CORIN: variants seen among roughly 807,000 people sequenced by gnomAD.
CORIN encodes the protein corin, serine peptidase, also known as atrial natriuretic peptide-converting enzyme.
A neutral mutation model predicts 125.3 loss-of-function variants in CORIN; 117 were observed. The ratio of observed to expected loss-of-function variants is 0.93; its 90% CI spans 0.80 to 1.09. The LOEUF is 1.09. CORIN is among the 50% of genes least tolerant of loss of function. The probability of loss-of-function intolerance (pLI) is 0.00; values close to 1 mark genes in which losing one functional copy is unlikely to be tolerated. For missense variants in CORIN, 1,253 were observed against 1,306.7 expected (o/e 0.96, Z 0.63); for synonymous variants, 450 against 466.4 (o/e 0.96, Z 0.45).
At chr4:47,714,518 G>A (rs1029725324) in intron 5 of CORIN, among the ~76,000 whole-genome samples, 1 of 152,146 alleles carries the variant, frequency 6.6e-6, no homozygotes, top group South Asian at 2.1e-4. Context: ...AGGTAGAACT[G>A]GAACTACGAT....
intron 1 of CORIN, among the ~76,000 whole-genome samples, chr4:47,816,036 C>T (rs61758470): frequency 3.0e-4 from 45 of 152,136 alleles, no homozygotes; most frequent in Middle Eastern, 6.8e-3. Context: ...AAGTGAGTAG[C>T]GAATTAAAAG....
At chr4:47,724,376 G>T (rs898006244) in intron 5 of CORIN, among the ~76,000 whole-genome samples, 1 of 151,988 alleles carries the variant, frequency 6.6e-6, no homozygotes, top group Non-Finnish European at 1.5e-5. Flanking sequence ...ATAACTTCAG[G>T]TACCTGCTGT....
intron 5 of CORIN, among the ~76,000 whole-genome samples, chr4:47,740,452 G>T (rs368377312): frequency 6.6e-6 from 1 of 151,682 alleles, no homozygotes; most frequent in Non-Finnish European, 1.5e-5. Flanking sequence ...TTTTCCTGAC[G>T]AATTGACCCT....
chr4:47,825,157 T>G (rs1732686506), intron 1 of CORIN, among the ~76,000 whole-genome samples: 1 of 152,178 alleles, frequency 6.6e-6, no homozygotes, highest in Non-Finnish European at 1.5e-5. Context: ...CAAGAGAGGC[T>G]GTGTGCGGAC....
intron 14 of CORIN, among the ~76,000 whole-genome samples, chr4:47,643,488 A>G (rs554061236): frequency 1.2e-4 from 18 of 152,332 alleles, no homozygotes; most frequent in Admixed American, 7.2e-4. Context: ...AAGTGACTCA[A>G]TGTTCTGGTT....
chr4:47,816,665 A>G (rs376818832), intron 1 of CORIN, among the ~76,000 whole-genome samples: 5 of 152,190 alleles, frequency 3.3e-5, no homozygotes, highest in African/African-American at 1.2e-4. Flanking sequence ...GTTTATTCCA[A>G]TGAGCCTCAA....
intron 5 of CORIN, among the ~76,000 whole-genome samples, chr4:47,728,903 A>G (rs547293191): frequency 1.3e-5 from 2 of 152,346 alleles, no homozygotes; most frequent in African/African-American, 4.8e-5. Flanking sequence ...AGAAGAATGA[A>G]TGCAGATGAG....
intron 2 of CORIN, among the ~76,000 whole-genome samples, chr4:47,791,436 T>A (rs1731074108): frequency 6.6e-6 from 1 of 152,228 alleles, no homozygotes; most frequent in African/African-American, 2.4e-5. Context: ...GTACTATCTT[T>A]TTAAGCTACC....
chr4:47,837,977 T>C lies in CORIN; in HGVS notation c.-28A>G. On this transcript the variant is annotated 5_prime_UTR_variant, in exon 1 of 22. Coordinates refer to ENST00000273857, the MANE Select transcript of CORIN (RefSeq NM_006587.4). ...ATAAAAAGTCTCGCTTATTCTTCTG[T>C]CCACTTTTATCTTGGTCGCTTTTCT... 6.2e-7 allele frequency: 1 copy of C among 1,608,980 alleles called. No individual in the cohort carries two copies. Among genetic ancestry groups the C allele is most frequent in the Non-Finnish European group, 8.5e-7 (1 of 1,179,958 alleles).
chr4:47,700,872 C>G (rs1358910006), intron 5 of CORIN, among the ~76,000 whole-genome samples: 1 of 152,246 alleles, frequency 6.6e-6, no homozygotes, highest in Non-Finnish European at 1.5e-5. Flanking sequence ...CCAACACAAT[C>G]TCTGCTCAGT....
chr4:47,741,342 A>T (rs1038262389), intron 5 of CORIN, among the ~76,000 whole-genome samples: 5 of 152,068 alleles, frequency 3.3e-5, no homozygotes, highest in African/African-American at 1.2e-4. Flanking sequence ...CATGTTGCTC[A>T]ACATAATTAG....
At chr4:47,615,523 A>G (rs1722038284) in intron 19 of CORIN, among the ~76,000 whole-genome samples, 1 of 152,226 alleles carries the variant, frequency 6.6e-6, no homozygotes, top group South Asian at 2.1e-4. Flanking sequence ...TCAAGTTAAA[A>G]TAACCTCATC....
At chr4:47,816,709 C>G (rs1732284334) in intron 1 of CORIN, among the ~76,000 whole-genome samples, 1 of 152,012 alleles carries the variant, frequency 6.6e-6, no homozygotes, top group Non-Finnish European at 1.5e-5. Flanking sequence ...AGGAGGGGGG[C>G]CAAAGAGAAG....
chr4:47,723,995 C>CA (rs766930754), intron 5 of CORIN, among the ~76,000 whole-genome samples: 6,451 of 58,328 alleles, frequency 0.11, 503 homozygotes, highest in African/African-American at 0.25. Flanking sequence ...GACTCCATCT[C>CA]AAAAAAAAAA....
At chr4:47,817,760 G>A (rs967039679) in intron 1 of CORIN, among the ~76,000 whole-genome samples, 3 of 152,162 alleles carry the variant, frequency 2.0e-5, no homozygotes, top group East Asian at 1.9e-4. Flanking sequence ...AAACAGAGAA[G>A]GGGAGATCTC....
At chr4:47,642,726 G>A (rs1723285137) in intron 15 of CORIN, 1 of 770,576 alleles carries the variant, frequency 1.3e-6, no homozygotes, top group Admixed American at 3.2e-5. Context: ...TCTGTGTAAG[G>A]AGCTAGACAG....
rs1725834682 is a variant in CORIN at position 47,692,971 on chromosome 4, G to A, written c.912C>T (p.Cys304=). ...AACCCTAAACAGCTTGTCACATACT[G>A]CAATGAGCCTCGTCACTCCAGTCGT... is the stretch of plus-strand genomic sequence containing the variant. ...DCDDWSDEAH[C]NCSENLFHCH... The change falls in exon 6 of 22, where the codon TGC becomes TGT. Residue 304 remains cysteine (C), a splice_region_variant and synonymous_variant. Transcript: ENST00000273857. 3 of 1,609,224 alleles carry A rather than the reference G, an allele frequency of 1.9e-6. No individual in the cohort carries two copies. Among genetic ancestry groups the A allele is most frequent in the African/African-American group, 1.3e-5 (1 of 74,742 alleles).
At chr4:47,698,905 A>G (rs1408072478) in intron 5 of CORIN, among the ~76,000 whole-genome samples, 2 of 152,200 alleles carry the variant, frequency 1.3e-5, no homozygotes, top group African/African-American at 4.8e-5. Context: ...TGCCTAGAGT[A>G]TTCAGTACAG....
chr4:47,649,380 C>T (rs1395233567), intron 13 of CORIN, among the ~76,000 whole-genome samples: 1 of 152,236 alleles, frequency 6.6e-6, no homozygotes, highest in Non-Finnish European at 1.5e-5. Flanking sequence ...GACCAGCCCA[C>T]TCTCTTTTGC....
Sources: gnomAD v4.1 joint callset for allele counts (sites outside exome capture counted in the v4.1 genomes callset) on GRCh38, gnomAD v4.1.1 for gene constraint, MANE v1.5 for transcripts, NCBI Gene and HGNC (gene_info 2026-07-23, HGNC 2026-07-21) for gene names.